Variants in CNGB3 observed in about 807,000 individuals in gnomAD.
The protein encoded by CNGB3 is cyclic nucleotide gated channel subunit beta 3.
In CNGB3, 86 loss-of-function variants were observed where a neutral mutation model predicts 92.8. That is an observed-to-expected ratio of 0.93 (90% CI 0.78 to 1.11). The LOEUF (loss-of-function observed/expected upper bound fraction) is 1.11. CNGB3 is among the 50% of genes least tolerant of loss of function. The pLI, the probability that CNGB3 is intolerant of heterozygous loss-of-function variation, is 0.00. For missense variants in CNGB3, 1,026 were observed against 956.8 expected (o/e 1.07, Z -0.95); for synonymous variants, 333 against 332.7 (o/e 1.00, Z -0.01).
At chr8:86,728,954 A>G (rs1263489794) in intron 2 of CNGB3, among the ~76,000 whole-genome samples, 3 of 152,212 alleles carry the variant, frequency 2.0e-5, no homozygotes, top group Non-Finnish European at 4.4e-5. Context: ...TCTGTCACCC[A>G]GGCTGGAGTG....
At position 86,578,691 on chromosome 8, in the gene CNGB3, G is replaced by A. The variant is rs1554604769; in HGVS notation, c.2101C>T (p.Gln701Ter). 1.2e-6 allele frequency: 2 copies of A among 1,613,830 alleles called. No individual in the cohort carries two copies. The highest frequency in any genetic ancestry group is 1.7e-6 in the Non-Finnish European group (2 of 1,180,008). The change falls in exon 17 of 18, where the codon CAG (glutamine) becomes TAG (stop). Residue 701 changes from glutamine to a stop codon, truncating the protein, a stop_gained and splice_region_variant. Transcript: ENST00000320005. LOFTEE classifies it low-confidence loss of function (END_TRUNC). ...GTCCATTCACTCCACCTTATTACCT[G>A]AGCTGCTTGCTCTCGCTTCAATTTG... Reference protein sequence around the residue: ...LLKLKREQAAQKKENSEGGEE... With the variant: ...LLKLKREQAA
intron 6 of CNGB3, among the ~76,000 whole-genome samples, chr8:86,655,641 C>T (rs145349207): frequency 7.2e-5 from 11 of 152,236 alleles, no homozygotes; most frequent in African/African-American, 2.6e-4. Flanking sequence ...CATAAAATCC[C>T]ACCATTTTTC....
chr8:86,644,559 C>T, intron 9 of CNGB3, 63 bp downstream of exon 9: 1 of 1,575,222 alleles, frequency 6.3e-7, no homozygotes, highest in Non-Finnish European at 8.7e-7. Context: ...CTGCCAAATT[C>T]CGTCTAAAAT....
rs1379089762 is a variant in CNGB3 at position 86,694,151 on chromosome 8, C to T, written c.339-23053G>A. On this transcript the variant is annotated intron_variant, in intron 3 of 17. Coordinates refer to ENST00000320005, the MANE Select transcript of CNGB3 (RefSeq NM_019098.5). ...CTGACCCCCCCACCTCCCTCCTGGA[C>T]GGGGCGGCTGGCCGGGCGGGGGGCT... Among the ~76,000 whole-genome samples, 15 of 132,552 alleles carry T rather than the reference C, an allele frequency of 1.1e-4. 1 individual carries two copies. The highest frequency in any genetic ancestry group is 5.0e-4 in the South Asian group (2 of 3,988). 87.0% of individuals were successfully genotyped at this position (132,552 alleles called of 152,430 possible). A position where few individuals can be genotyped will look rare whatever the true frequency, so the allele number is the denominator to read the frequency against.
chr8:86,583,698 T>A (rs1033983192), intron 15 of CNGB3, among the ~76,000 whole-genome samples: 2 of 151,860 alleles, frequency 1.3e-5, no homozygotes, highest in East Asian at 3.9e-4. Context: ...GGCAGGCAGA[T>A]TGCTGGAGCC....
intron 14 of CNGB3, among the ~76,000 whole-genome samples, chr8:86,606,924 A>G (rs1822423610): frequency 2.0e-5 from 3 of 152,212 alleles, no homozygotes. Flanking sequence ...TTAAAAACCA[A>G]TGAAATAGCC....
At chr8:86,740,886 A>C (rs772866818) in intron 1 of CNGB3, among the ~76,000 whole-genome samples, 1 of 152,186 alleles carries the variant, frequency 6.6e-6, no homozygotes, top group Non-Finnish European at 1.5e-5. Context: ...ACAGTGAAAA[A>C]GCCTTCTGAC....
At chr8:86,660,188 CT>C in intron 6 of CNGB3, 2 of 290,214 alleles carry the variant, frequency 6.9e-6, no homozygotes, top group Non-Finnish European at 7.1e-6. Context: ...TCATTTTCTC[CT>C]TTTTTGCTCT....
chr8:86,667,907 T>C (rs1206739847), intron 5 of CNGB3, 112 bp downstream of exon 5: 1 of 1,167,376 alleles, frequency 8.6e-7, no homozygotes, highest in East Asian at 2.3e-5. Context: ...TGCTTCCTAG[T>C]TAGATTGAGA....
At chr8:86,661,715 C>T (rs1432627336) in intron 6 of CNGB3, 2 of 1,433,230 alleles carry the variant, frequency 1.4e-6, no homozygotes, top group Non-Finnish European at 2.0e-6. Context: ...CCCATTCTGA[C>T]CCATGGGTAG....
At chr8:86,625,893 G>A (rs1381413339) in intron 13 of CNGB3, 90 bp downstream of exon 13, 1 of 1,056,258 alleles carries the variant, frequency 9.5e-7, no homozygotes, top group East Asian at 2.5e-5. Flanking sequence ...TAAAACATAA[G>A]GCAAAAAAAC....
intron 3 of CNGB3, among the ~76,000 whole-genome samples, chr8:86,681,706 A>G (rs1481066692): frequency 6.6e-6 from 1 of 152,182 alleles, no homozygotes; most frequent in East Asian, 1.9e-4. Flanking sequence ...GAAAAATTCT[A>G]AAAGCTTCAA....
intron 3 of CNGB3, among the ~76,000 whole-genome samples, chr8:86,690,810 T>C (rs1330871629): frequency 1.3e-5 from 2 of 152,188 alleles, no homozygotes; most frequent in African/African-American, 4.8e-5. Flanking sequence ...ATTTATTAAA[T>C]AGGGAATCCT....
chr8:86,617,584 G>C (rs1822643873), intron 13 of CNGB3, among the ~76,000 whole-genome samples: 1 of 152,146 alleles, frequency 6.6e-6, no homozygotes, highest in African/African-American at 2.4e-5. Context: ...TAAAAAATTT[G>C]CAAAGTGCTG....
At chr8:86,631,662 C>T (rs1822964156) in intron 11 of CNGB3, among the ~76,000 whole-genome samples, 1 of 152,020 alleles carries the variant, frequency 6.6e-6, no homozygotes, top group Non-Finnish European at 1.5e-5. Flanking sequence ...TATAATCTCC[C>T]CAGCCATGAA....
intron 13 of CNGB3, among the ~76,000 whole-genome samples, chr8:86,618,107 T>C (rs1270859751): frequency 1.3e-5 from 2 of 152,136 alleles, no homozygotes; most frequent in East Asian, 1.9e-4. Context: ...TAGTTCACAA[T>C]AGGGTTCTGC....
At chr8:86,631,897 C>T (rs901700657) in intron 11 of CNGB3, among the ~76,000 whole-genome samples, 1 of 152,154 alleles carries the variant, frequency 6.6e-6, no homozygotes, top group Non-Finnish European at 1.5e-5. Flanking sequence ...GCTTGTTTCT[C>T]CCACGGTTAG....
chr8:86,578,390 G>A (rs1821698393), intron 17 of CNGB3, among the ~76,000 whole-genome samples: 1 of 152,130 alleles, frequency 6.6e-6, no homozygotes, highest in Non-Finnish European at 1.5e-5. Context: ...ATAAATTATA[G>A]TAAGTAGATT....
chr8:86,715,080 A>G (rs931354861), intron 3 of CNGB3, among the ~76,000 whole-genome samples: 4 of 152,040 alleles, frequency 2.6e-5, no homozygotes, highest in Admixed American at 2.0e-4. Context: ...AAGACAAAAG[A>G]CGTAATATCT....
Sources: gnomAD v4.1 joint callset for allele counts (sites outside exome capture counted in the v4.1 genomes callset) on GRCh38, gnomAD v4.1.1 for gene constraint, MANE v1.5 for transcripts, NCBI Gene and HGNC (gene_info 2026-07-23, HGNC 2026-07-21) for gene names.